Variants in EYS observed in about 807,000 individuals in gnomAD.
EYS encodes EGF-like photoreceptor maintenance factor.
EYS carries 250 observed loss-of-function variants against 282.1 expected under a neutral mutation model. That is an observed-to-expected ratio of 0.89 (90% CI 0.80 to 0.98). The LOEUF is 0.98. Among genes scored for constraint, EYS ranks in the 50% least tolerant of loss-of-function variants. The pLI is 0.00. For synonymous variants in EYS, 1,355 were observed against 1,282.9 expected (o/e 1.06, Z -1.20); for missense variants, 4,016 against 3,709.0 (o/e 1.08, Z -2.15).
intron 30 of EYS, among the ~76,000 whole-genome samples, chr6:64,263,435 G>C (rs566839910): frequency 1.3e-4 from 20 of 152,146 alleles, no homozygotes; most frequent in African/African-American, 4.8e-4. Context: ...AAGCCAGACT[G>C]TTCTTTCCTT....
At chr6:65,092,593 AT>A (rs2150178605) in intron 12 of EYS, among the ~76,000 whole-genome samples, 1 of 152,326 alleles carries the variant, frequency 6.6e-6, no homozygotes, top group South Asian at 2.1e-4. Flanking sequence ...CTTTAATTAG[AT>A]ATCAAATAAT....
intron 22 of EYS, among the ~76,000 whole-genome samples, chr6:64,799,143 T>A (rs1774454887): frequency 7.2e-6 from 1 of 139,736 alleles, no homozygotes; most frequent in African/African-American, 2.5e-5. Flanking sequence ...TCAGTAAGCA[T>A]TTTTTACAAG....
intron 14 of EYS, among the ~76,000 whole-genome samples, chr6:64,952,121 A>G: frequency 6.6e-6 from 1 of 152,066 alleles, no homozygotes; most frequent in East Asian, 1.9e-4. Context: ...CTTACTCCCC[A>G]GTATCAGAAG....
intron 22 of EYS, among the ~76,000 whole-genome samples, chr6:64,723,905 G>A (rs954642178): frequency 6.6e-6 from 1 of 152,030 alleles, no homozygotes; most frequent in African/African-American, 2.4e-5. Context: ...AGCAGTCTTG[G>A]ATCTGTGCTT....
chr6:64,430,354 G>C (rs1013939000), intron 28 of EYS, among the ~76,000 whole-genome samples: 1 of 152,112 alleles, frequency 6.6e-6, no homozygotes, highest in Non-Finnish European at 1.5e-5. Context: ...CCAGTACGCC[G>C]GGTGAATCCT....
chr6:64,470,422 A>G (rs1776087762), intron 26 of EYS, among the ~76,000 whole-genome samples: 1 of 152,230 alleles, frequency 6.6e-6, no homozygotes, highest in Non-Finnish European at 1.5e-5. Flanking sequence ...ATTATTTAAA[A>G]ATAACTAAAT....
At chr6:65,404,006 C>A (rs568760879) in intron 6 of EYS, among the ~76,000 whole-genome samples, 59 of 152,112 alleles carry the variant, frequency 3.9e-4, no homozygotes, top group African/African-American at 1.3e-3. Flanking sequence ...AACAAAAAAT[C>A]ATTATCTTAG....
chr6:64,231,746 T>C (rs1191445260), intron 30 of EYS, among the ~76,000 whole-genome samples: 2 of 152,156 alleles, frequency 1.3e-5, no homozygotes, highest in Non-Finnish European at 2.9e-5. Context: ...TTTCTCATTT[T>C]ATCAGAAATC....
intron 18 of EYS, among the ~76,000 whole-genome samples, chr6:64,893,726 C>G (rs539514800): frequency 6.6e-6 from 1 of 151,946 alleles, no homozygotes; most frequent in South Asian, 2.1e-4. Context: ...CCATATTTAA[C>G]TCATCTTAGT....
At chr6:64,522,597 A>G (rs1777779890) in intron 26 of EYS, among the ~76,000 whole-genome samples, 1 of 151,732 alleles carries the variant, frequency 6.6e-6, no homozygotes, top group African/African-American at 2.4e-5. Context: ...AAATCTCTCA[A>G]GCATATGAAA....
At chr6:63,864,118 C>T (rs1006273892) in intron 36 of EYS, 68 bp downstream of exon 36, 4 of 1,337,774 alleles carry the variant, frequency 3.0e-6, no homozygotes, top group East Asian at 5.2e-5. Context: ...CTTGATTCAT[C>T]TGAGTGATTT....
chr6:63,795,230 C>A (rs1354939966), intron 37 of EYS, among the ~76,000 whole-genome samples: 1 of 152,112 alleles, frequency 6.6e-6, no homozygotes, highest in Non-Finnish European at 1.5e-5. Flanking sequence ...TCTCATGGGG[C>A]AACAAGATGA....
chr6:65,566,387 C>A (rs982490988), intron 2 of EYS, among the ~76,000 whole-genome samples: 2 of 151,348 alleles, frequency 1.3e-5, no homozygotes, highest in African/African-American at 2.4e-5. Flanking sequence ...GGGGACAAGA[C>A]CTCGAAAAAA....
intron 35 of EYS, among the ~76,000 whole-genome samples, chr6:63,938,484 G>A (rs566672803): frequency 2.1e-4 from 32 of 152,314 alleles, no homozygotes; most frequent in African/African-American, 7.5e-4. Flanking sequence ...CATCCAGGCA[G>A]CCCAGTTAGC....
At chr6:64,421,125 T>C (rs1774218889) in intron 28 of EYS, among the ~76,000 whole-genome samples, 2 of 152,134 alleles carry the variant, frequency 1.3e-5, no homozygotes, top group African/African-American at 4.8e-5. Context: ...GAGGTTTAAT[T>C]AACTCACAGT....
At chr6:63,738,813 G>C (rs935741283) in intron 41 of EYS, among the ~76,000 whole-genome samples, 4 of 151,810 alleles carry the variant, frequency 2.6e-5, no homozygotes, top group African/African-American at 9.7e-5. Flanking sequence ...TCATTTCTAC[G>C]TCAGGCAAAA....
At chr6:63,724,629 A>G (rs1274263116) in intron 42 of EYS, among the ~76,000 whole-genome samples, 1 of 152,134 alleles carries the variant, frequency 6.6e-6, no homozygotes, top group Non-Finnish European at 1.5e-5. Context: ...AAAAGGGACC[A>G]GAGTCTTATT....
intron 19 of EYS, among the ~76,000 whole-genome samples, chr6:64,845,993 C>A (rs1229383896): frequency 6.6e-6 from 1 of 151,964 alleles, no homozygotes; most frequent in Non-Finnish European, 1.5e-5. Context: ...AGAAACTCTT[C>A]TTTTGTTTTC....
chr6:64,606,256 A>C (rs1245666074), intron 24 of EYS, among the ~76,000 whole-genome samples: 5 of 152,000 alleles, frequency 3.3e-5, no homozygotes, highest in Admixed American at 6.6e-5. Context: ...CACTCCTTGA[A>C]AGTAACTTGC....
Sources: allele counts gnomAD v4.1 joint callset (sites outside exome capture counted in the v4.1 genomes callset), GRCh38; gene constraint gnomAD v4.1.1; transcripts MANE v1.5; gene names NCBI Gene and HGNC (gene_info 2026-07-23, HGNC 2026-07-21).